PIGK: variants seen among roughly 807,000 people sequenced by gnomAD.
PIGK encodes GPI-anchor transamidase.
PIGK carries 42 observed loss-of-function variants against 50.6 expected under a neutral mutation model. The ratio of observed to expected loss-of-function variants is 0.83; its 90% CI spans 0.65 to 1.07. The LOEUF (loss-of-function observed/expected upper bound fraction) is 1.07, where lower values mean the gene tolerates loss of function less well. PIGK is among the 50% of genes least tolerant of loss of function. The pLI is 0.00. For missense variants in PIGK, 448 were observed against 488.7 expected (o/e 0.92, Z 0.78); for synonymous variants, 151 against 156.0 (o/e 0.97, Z 0.24).
At chr1:77,210,301 T>G in intron 2 of PIGK, 135 bp downstream of exon 2, 1 of 516,762 alleles carries the variant, frequency 1.9e-6, no homozygotes, top group East Asian at 3.3e-5. Flanking sequence ...ATTTAAAATA[T>G]AGCCAAATCA....
At chr1:77,206,809 G>C (rs1233395864) in intron 2 of PIGK, 78 bp from the exon 3 acceptor site, 1 of 828,168 alleles carries the variant, frequency 1.2e-6, no homozygotes, top group Non-Finnish European at 2.0e-6. Flanking sequence ...TCTTTAAGTA[G>C]GATACAGAGA....
intron 9 of PIGK, among the ~76,000 whole-genome samples, chr1:77,128,253 C>A (rs185130440): frequency 6.6e-6 from 1 of 151,970 alleles, no homozygotes; most frequent in East Asian, 1.9e-4. Flanking sequence ...TAAAGAAGCA[C>A]AAGAAAGATG....
intron 6 of PIGK, among the ~76,000 whole-genome samples, chr1:77,163,458 T>A (rs1655171253): frequency 6.6e-6 from 1 of 152,150 alleles, no homozygotes; most frequent in South Asian, 2.1e-4. Context: ...TTCAGCGATT[T>A]TTTTTTCCAT....
At chr1:77,188,194 G>A (rs1655795975) in intron 3 of PIGK, among the ~76,000 whole-genome samples, 1 of 152,144 alleles carries the variant, frequency 6.6e-6, no homozygotes, top group South Asian at 2.1e-4. Context: ...CTGACCACTG[G>A]TGAGCCGGGC....
intron 9 of PIGK, among the ~76,000 whole-genome samples, chr1:77,150,500 AAAAG>A (rs1289139170): frequency 5.3e-5 from 8 of 151,668 alleles, no homozygotes; most frequent in Admixed American, 2.0e-4. Context: ...AAAAAAAAAA[AAAAG>A]AAAGAAAGAA....
Position 77,161,422 on chromosome 1 carries a change from A to G in PIGK, c.703-17T>C, listed in dbSNP as rs1421072674. 2 of 1,342,416 alleles carry G rather than the reference A, an allele frequency of 1.5e-6. No individual in the cohort carries two copies. Among genetic ancestry groups the G allele is most frequent in the Admixed American group, 1.7e-5 (1 of 59,564 alleles). 83.2% of individuals were successfully genotyped at this position (1,342,416 alleles called of 1,614,324 possible). A position where few individuals can be genotyped will look rare whatever the true frequency, so the allele number is the denominator to read the frequency against. On this transcript the variant is annotated splice_polypyrimidine_tract_variant and intron_variant, in intron 7 of 10. Coordinates refer to ENST00000370812, the MANE Select transcript of PIGK (RefSeq NM_005482.3). ...AGGTTGATGCTATGGAAAGGGGGAAAAAAAGTATTTCTAACAGTATCATTA... is the reference window on the plus strand; with the variant it reads ...AGGTTGATGCTATGGAAAGGGGGAAGAAAAGTATTTCTAACAGTATCATTA...
chr1:77,208,848 T>A (rs78195052), intron 2 of PIGK, among the ~76,000 whole-genome samples: 20,090 of 152,132 alleles, frequency 0.13, 1,550 homozygotes, highest in East Asian at 0.36. Flanking sequence ...CTATAGATAA[T>A]TCATTATCTA....
chr1:77,145,758 G>GA (rs918198631), intron 9 of PIGK, among the ~76,000 whole-genome samples: 17 of 147,534 alleles, frequency 1.2e-4, no homozygotes, highest in African/African-American at 2.2e-4. Context: ...CCTTGAAAAT[G>GA]AAAAAAAAAA....
chr1:77,150,213 T>C (rs2100548652), intron 9 of PIGK, among the ~76,000 whole-genome samples: 1 of 151,892 alleles, frequency 6.6e-6, no homozygotes, highest in Admixed American at 6.6e-5. Context: ...CCAAAATTAG[T>C]AGAAGAAAAG....
chr1:77,145,317 G>A (rs72683907), intron 9 of PIGK, among the ~76,000 whole-genome samples: 5,654 of 151,494 alleles, frequency 0.037, 205 homozygotes, highest in South Asian at 0.21. Context: ...AATCTCTACC[G>A]AAAAATAAAA....
chr1:77,152,950 T>A (rs1305038052), intron 9 of PIGK, among the ~76,000 whole-genome samples: 1 of 152,034 alleles, frequency 6.6e-6, no homozygotes, highest in African/African-American at 2.4e-5. Context: ...TAGAAAACAG[T>A]ACAGAGGTTG....
At chr1:77,145,474 A>G (rs839801) in intron 9 of PIGK, among the ~76,000 whole-genome samples, 1,545 of 152,198 alleles carry the variant, frequency 0.01, 22 homozygotes, top group African/African-American at 0.036. Flanking sequence ...AACATACAAA[A>G]TGTTTAGGAA....
At chr1:77,152,658 A>AAAAAC (rs912519071) in intron 9 of PIGK, among the ~76,000 whole-genome samples, 4 of 151,920 alleles carry the variant, frequency 2.6e-5, no homozygotes, top group African/African-American at 2.4e-5. Context: ...CTCAATGGCA[A>AAAAAC]AAAACAAAAC....
Position 77,219,203 on chromosome 1 carries a change from G to A in PIGK, c.93+107C>T. On this transcript the variant is annotated intron_variant, in intron 1 of 10. Coordinates refer to ENST00000370812, the MANE Select transcript of PIGK (RefSeq NM_005482.3). Reference sequence around the variant, plus strand: ...CCCTCCTCAAACCCAGCCTGGGTCAGGGGCTGATTGACTCCAGGAGGCGTC... The same window carrying A: ...CCCTCCTCAAACCCAGCCTGGGTCAAGGGCTGATTGACTCCAGGAGGCGTC... 7.0e-6 allele frequency: 6 copies of A among 861,380 alleles called. 1 individual carries two copies. Among genetic ancestry groups the A allele is most frequent in the South Asian group, 5.8e-5 (4 of 69,246 alleles). 53.4% of individuals were successfully genotyped at this position (861,380 alleles called of 1,614,324 possible).
intron 3 of PIGK, among the ~76,000 whole-genome samples, chr1:77,194,514 T>A (rs1655985574): frequency 6.6e-6 from 1 of 152,052 alleles, no homozygotes; most frequent in Non-Finnish European, 1.5e-5. Flanking sequence ...GAGGCTATTA[T>A]CCTAAGTGAA....
At chr1:77,149,456 A>G (rs1437380182) in intron 9 of PIGK, among the ~76,000 whole-genome samples, 1 of 151,998 alleles carries the variant, frequency 6.6e-6, no homozygotes, top group Non-Finnish European at 1.5e-5. Context: ...AGCAATGCTT[A>G]TATCAGATAA....
chr1:77,121,046 G>A (rs1325044131), intron 10 of PIGK, among the ~76,000 whole-genome samples: 1 of 152,106 alleles, frequency 6.6e-6, no homozygotes, highest in African/African-American at 2.4e-5. Context: ...GTTAATTCTT[G>A]TTTCCTCTTT....
At chr1:77,129,622 T>C (rs1045140858) in intron 9 of PIGK, 3 of 1,544,688 alleles carry the variant, frequency 1.9e-6, no homozygotes, top group East Asian at 2.2e-5. Flanking sequence ...AAGAAAAAGA[T>C]ATCCCAGAAG....
intron 10 of PIGK, among the ~76,000 whole-genome samples, chr1:77,121,689 G>A (rs1479219185): frequency 6.6e-6 from 1 of 152,070 alleles, no homozygotes; most frequent in Non-Finnish European, 1.5e-5. Context: ...GGCACAGCAG[G>A]GCAGAGGTTA....
Sources: gnomAD v4.1 joint callset for allele counts (sites outside exome capture counted in the v4.1 genomes callset) on GRCh38, gnomAD v4.1.1 for gene constraint, MANE v1.5 for transcripts, NCBI Gene and HGNC (gene_info 2026-07-23, HGNC 2026-07-21) for gene names.